The following DLEU7 variants were observed in gnomAD, a reference collection of about 807,000 sequenced individuals.
DLEU7 encodes deleted in lymphocytic leukemia 7.
In DLEU7, 17 loss-of-function variants were observed where a neutral mutation model predicts 16.0. The ratio of observed to expected loss-of-function variants is 1.06; its 90% CI spans 0.73 to 1.59. DLEU7 has a LOEUF of 1.59. DLEU7 is among the 40% of genes most tolerant of loss of function. The pLI is 0.00. For missense variants in DLEU7, 308 were observed against 314.9 expected, an observed-to-expected ratio of 0.98 and a Z score of 0.17; for synonymous variants, 113 against 139.8, an observed-to-expected ratio of 0.81 and a Z score of 1.35.
intron 1 of DLEU7, among the ~76,000 whole-genome samples, chr13:50,826,970 C>G (rs1593412370): frequency 1.3e-5 from 2 of 152,038 alleles, no homozygotes; most frequent in Non-Finnish European, 2.9e-5. Context: ...GGCAGAATTA[C>G]CACTAATAGA....
intron 1 of DLEU7, among the ~76,000 whole-genome samples, chr13:50,750,085 T>C (rs1402944028): frequency 6.6e-6 from 1 of 152,244 alleles, no homozygotes; most frequent in East Asian, 1.9e-4. Context: ...ATTTAAGTCC[T>C]TAATCCATCT....
At chr13:50,747,162 C>T (rs1174220033) in intron 1 of DLEU7, among the ~76,000 whole-genome samples, 1 of 151,982 alleles carries the variant, frequency 6.6e-6, no homozygotes, top group African/African-American at 2.4e-5. Context: ...ACGATTAAAT[C>T]AATGCTTTCT....
intron 1 of DLEU7, among the ~76,000 whole-genome samples, chr13:50,785,182 C>T (rs1259962988): frequency 6.6e-6 from 1 of 151,982 alleles, no homozygotes; most frequent in African/African-American, 2.4e-5. Context: ...TGGAGAAAAC[C>T]CATATTCAAT....
At chr13:50,816,211 A>G (rs1156360554) in intron 1 of DLEU7, among the ~76,000 whole-genome samples, 3 of 151,300 alleles carry the variant, frequency 2.0e-5, no homozygotes, top group African/African-American at 7.4e-5. Context: ...GATAACTTTT[A>G]TCTCATTCTC....
chr13:50,833,591 A>C (rs1877349777), intron 1 of DLEU7, among the ~76,000 whole-genome samples: 1 of 152,206 alleles, frequency 6.6e-6, no homozygotes, highest in Non-Finnish European at 1.5e-5. Context: ...GGAAGAATGA[A>C]TATTGTGAAA....
At chr13:50,771,735 A>G (rs765098854) in intron 1 of DLEU7, among the ~76,000 whole-genome samples, 1 of 152,196 alleles carries the variant, frequency 6.6e-6, no homozygotes, top group Non-Finnish European at 1.5e-5. Context: ...AAGAATGTAT[A>G]TTCTGTTGAT....
intron 1 of DLEU7, among the ~76,000 whole-genome samples, chr13:50,751,270 G>A (rs1874556344): frequency 6.6e-6 from 1 of 152,110 alleles, no homozygotes; most frequent in African/African-American, 2.4e-5. Context: ...CTGCATCCCT[G>A]GTATGAAACC....
intron 1 of DLEU7, among the ~76,000 whole-genome samples, chr13:50,788,916 C>T (rs1411244645): frequency 8.5e-5 from 13 of 152,102 alleles, no homozygotes; most frequent in Admixed American, 8.5e-4. Context: ...AGCTGTAAAC[C>T]CAGAGCGGGA....
At chr13:50,799,683 T>A (rs1876196548) in intron 1 of DLEU7, among the ~76,000 whole-genome samples, 1 of 152,174 alleles carries the variant, frequency 6.6e-6, no homozygotes, top group South Asian at 2.1e-4. Flanking sequence ...ACAAGACGAC[T>A]GCTACAAAAT....
intron 1 of DLEU7, among the ~76,000 whole-genome samples, chr13:50,724,770 C>G (rs1176147179): frequency 6.6e-6 from 1 of 152,162 alleles, no homozygotes; most frequent in African/African-American, 2.4e-5. Flanking sequence ...CTCTGCTCAT[C>G]AGCATCACTC....
intron 1 of DLEU7, among the ~76,000 whole-genome samples, chr13:50,779,805 C>T (rs1875603345): frequency 6.6e-6 from 1 of 152,058 alleles, no homozygotes; most frequent in African/African-American, 2.4e-5. Context: ...TTTAAATGGG[C>T]GTCTTTATTG....
At chr13:50,776,646 C>G (rs1875505411) in intron 1 of DLEU7, among the ~76,000 whole-genome samples, 1 of 152,128 alleles carries the variant, frequency 6.6e-6, no homozygotes, top group Admixed American at 6.5e-5. Context: ...TACCTCACCC[C>G]CAAATCCAGG....
At chr13:50,834,718 T>A (rs1015922221) in intron 1 of DLEU7, among the ~76,000 whole-genome samples, 1 of 152,212 alleles carries the variant, frequency 6.6e-6, no homozygotes, top group African/African-American at 2.4e-5. Context: ...TTATAGGTCA[T>A]TCTACTATAA....
chr13:50,752,196 C>T (rs565119930), intron 1 of DLEU7, among the ~76,000 whole-genome samples: 89 of 151,968 alleles, frequency 5.9e-4, no homozygotes, highest in Non-Finnish European at 8.7e-4. Flanking sequence ...GGACTACAGG[C>T]GCCCACCACT....
At chr13:50,765,720 C>A (rs1162122498) in intron 1 of DLEU7, among the ~76,000 whole-genome samples, 1 of 151,720 alleles carries the variant, frequency 6.6e-6, no homozygotes, top group Non-Finnish European at 1.5e-5. Flanking sequence ...AAGCTTAGTT[C>A]AGCAAAAGTT....
intron 1 of DLEU7, among the ~76,000 whole-genome samples, chr13:50,738,995 ACACACACACG>A (rs1440527775): frequency 2.9e-4 from 26 of 89,792 alleles, no homozygotes; most frequent in African/African-American, 7.3e-4. Context: ...ACACACACAC[ACACACACACG>A]CACACACACA....
intron 1 of DLEU7, among the ~76,000 whole-genome samples, chr13:50,795,221 G>A (rs1367237173): frequency 6.6e-6 from 1 of 152,134 alleles, no homozygotes; most frequent in Non-Finnish European, 1.5e-5. Flanking sequence ...CTGGTCAGGG[G>A]TCATATATTT....
At position 50,843,395 on chromosome 13, in the gene DLEU7, G is replaced by T; in HGVS notation, c.252C>A (p.Asn84Lys). ...TRSRRTAARA[N>K]SPEEEVVRGA... ...CTCGCACTACCTCCTCCTCTGGGGA[G>T]TTCGCCCGCGCCGCGGTCCGCCGAC... is the stretch of plus-strand genomic sequence containing the variant. Residue 84 changes from asparagine (N) to lysine (K), a missense_variant, in exon 1 of 2, where the codon AAC becomes AAA. Transcript: ENST00000504404. This position sits in a 1 kb window ranked among gnomAD's most constrained non-coding sequence, Gnocchi z 5.7. The T allele has an allele frequency of 7.5e-7, 1 of 1,332,000 alleles. No homozygotes were observed. The highest frequency in any genetic ancestry group is 9.6e-7 in the Non-Finnish European group (1 of 1,045,292). 82.5% of individuals were successfully genotyped at this position (1,332,000 alleles called of 1,614,324 possible).
At chr13:50,736,185 AAAAG>A (rs1452695076) in intron 1 of DLEU7, among the ~76,000 whole-genome samples, 1 of 152,184 alleles carries the variant, frequency 6.6e-6, no homozygotes, top group East Asian at 1.9e-4. Context: ...CAGCCATAGT[AAAAG>A]AAAGAAAGAA....
Sources: allele counts gnomAD v4.1 joint callset (sites outside exome capture counted in the v4.1 genomes callset), GRCh38; gene constraint gnomAD v4.1.1; non-coding constraint Gnocchi (gnomAD v3.1); transcripts MANE v1.5; gene names NCBI Gene and HGNC (gene_info 2026-07-23, HGNC 2026-07-21).